Variants in PNLDC1 observed in about 807,000 individuals in gnomAD.
The protein encoded by PNLDC1 is PARN like ribonuclease domain containing exonuclease 1, also known as poly(A)-specific ribonuclease PNLDC1.
Under a neutral mutation model 82.0 loss-of-function variants are expected in PNLDC1, and 70 were observed. The ratio of observed to expected loss-of-function variants is 0.85; its 90% confidence interval spans 0.70 to 1.04. The LOEUF (loss-of-function observed/expected upper bound fraction) is 1.04, where lower values mean the gene tolerates loss of function less well. PNLDC1 is among the 50% of genes least tolerant of loss of function. PNLDC1 has a pLI of 0.00. For synonymous variants in PNLDC1, 280 were observed against 249.3 expected (o/e 1.12, Z -1.16); for missense variants, 631 against 661.1 (o/e 0.95, Z 0.50).
At chr6:159,814,004 A>T (rs947963189) in intron 12 of PNLDC1, among the ~76,000 whole-genome samples, 1 of 151,390 alleles carries the variant, frequency 6.6e-6, no homozygotes, top group African/African-American at 2.4e-5. Context: ...CGTCACCTTC[A>T]CCCCTGCTCA....
At chr6:159,800,703 G>C (rs767391405) in intron 1 of PNLDC1, 69 bp from the exon 2 acceptor site, 1 of 1,614,190 alleles carries the variant, frequency 6.2e-7, no homozygotes. Context: ...GCCGCCTGCA[G>C]ATCTACAGTG....
rs1333435144 is a variant in PNLDC1, at chr6:159,800,467, C to T, written c.76+84C>T. On this transcript the variant is annotated intron_variant, in intron 1 of 18. Transcript: ENST00000392167. ...GAGGAGGGGGTGGCGGGACGGTTGC[C>T]AGGCCACAGGGCCTCAGAGAGGGCC... 4.8e-6 allele frequency: 7 copies of T among 1,450,816 alleles called. No homozygotes were observed. The African/African-American group carries it at 7.1e-5, about 15-fold the overall frequency. The allele number at this position is 1,450,816 out of a possible 1,614,324, so 89.9% of individuals were successfully genotyped here.
In PNLDC1 at chr6:159,809,177, TTTC is replaced by T. The variant is rs1392617061; in HGVS notation, c.783+22_783+24del. 2 of 1,612,652 alleles carry T rather than the reference TTTC, an allele frequency of 1.2e-6. No homozygotes were observed. Among genetic ancestry groups the T allele is most frequent in the African/African-American group, 2.7e-5 (2 of 74,720 alleles). ...CCAGAAGGTAGGAAAACATGTCTCT[TTTC>T]TTGGCCTAAAGGCAGTCTTTAGTAT... On this transcript the variant is annotated intron_variant, in intron 9 of 18. Coordinates refer to ENST00000392167, the MANE Select transcript of PNLDC1 (RefSeq NM_001271862.2).
At chr6:159,804,922 G>A (rs1781394503) in intron 6 of PNLDC1, among the ~76,000 whole-genome samples, 1 of 152,214 alleles carries the variant, frequency 6.6e-6, no homozygotes, top group Non-Finnish European at 1.5e-5. Context: ...GGAACTCAAA[G>A]AAACAAGAAT....
chr6:159,803,377 A>G, intron 4 of PNLDC1, 67 bp downstream of exon 4: 1 of 1,479,782 alleles, frequency 6.8e-7, no homozygotes, highest in Non-Finnish European at 9.4e-7. Flanking sequence ...CCACCTTCAA[A>G]TTCTGCCTCA....
In PNLDC1 at chr6:159,809,175, CTT is replaced by C. The variant is rs1554273381; in HGVS notation, c.783+20_783+21del. ...GCCCAGAAGGTAGGAAAACATGTCT[CTT>C]TTCTTGGCCTAAAGGCAGTCTTTAG... On this transcript the variant is annotated intron_variant, in intron 9 of 18. Coordinates refer to ENST00000392167, the MANE Select transcript of PNLDC1 (RefSeq NM_001271862.2). The C allele has an allele frequency of 2.5e-6, 4 of 1,612,858 alleles. No homozygotes were observed. The highest frequency in any genetic ancestry group is 3.4e-6 in the Non-Finnish European group (4 of 1,179,772).
At chr6:159,803,409 C>A in intron 4 of PNLDC1, 99 bp downstream of exon 4, 1 of 1,082,016 alleles carries the variant, frequency 9.2e-7, no homozygotes, top group Non-Finnish European at 1.4e-6. Flanking sequence ...CACTTTTGCC[C>A]TGGATCTTCC....
chr6:159,800,813 G>T lies in PNLDC1; in HGVS notation c.118G>T (p.Gly40Trp), dbSNP rs1337806017. The change falls in exon 2 of 19, where the codon GGG (glycine) becomes TGG (tryptophan). Residue 40 changes from glycine to tryptophan, a missense_variant. Transcript: ENST00000392167. ...EFTGLRSNLS[G>W]PQQISLFDLP... is the part of the protein sequence containing the mutation. ...CACGGGCCTTCGTTCTAACCTGTCT[G>T]GGCCCCAGCAGATCAGGTAAAACTA... 6.2e-7 allele frequency: 1 copy of T among 1,614,150 alleles called. No homozygotes were observed. The highest frequency in any genetic ancestry group is 1.1e-5 in the South Asian group (1 of 91,076).
intron 11 of PNLDC1, 46 bp downstream of exon 11, chr6:159,811,832 C>G (rs765154199): frequency 1.7e-5 from 23 of 1,328,492 alleles, no homozygotes; most frequent in Admixed American, 1.6e-4. Flanking sequence ...TTTTCCATAC[C>G]AGTAACACTT....
rs140525491 is a variant in PNLDC1 at position 159,801,726 on chromosome 6, G to A, written c.208+540G>A. ...CTCTCAAAGTGATGGAATTATAAGC[G>A]TGAGCAACCACACCTGGCCTGTGAT... On this transcript the variant is annotated intron_variant, in intron 3 of 18. Transcript: ENST00000392167. Among the ~76,000 whole-genome samples, 852 of 151,994 alleles carry A rather than the reference G, an allele frequency of 5.6e-3. 9 individuals carry two copies. Among genetic ancestry groups the A allele is most frequent in the African/African-American group, 0.02 (821 of 41,406 alleles).
chr6:159,808,620 C>T (rs1415346728), intron 7 of PNLDC1, 120 bp from the exon 8 acceptor site: 2 of 922,352 alleles, frequency 2.2e-6, no homozygotes, highest in African/African-American at 3.3e-5. Context: ...CTTGGGCACC[C>T]TTCAAGCTCC....
intron 1 of PNLDC1, 45 bp downstream of exon 1, chr6:159,800,428 C>A (rs1001233865): frequency 1.3e-6 from 2 of 1,530,266 alleles, no homozygotes; most frequent in African/African-American, 1.4e-5. Context: ...GAGCCCCTTG[C>A]CCCGGGCGAG....
intron 10 of PNLDC1, among the ~76,000 whole-genome samples, chr6:159,810,825 A>G (rs1246021009): frequency 6.6e-6 from 1 of 152,252 alleles, no homozygotes; most frequent in African/African-American, 2.4e-5. Context: ...TTTCCCCAAG[A>G]AACAATGAAA....
At chr6:159,817,531 A>G (rs1190396178) in intron 15 of PNLDC1, among the ~76,000 whole-genome samples, 2 of 152,198 alleles carry the variant, frequency 1.3e-5, no homozygotes, top group Non-Finnish European at 2.9e-5. Flanking sequence ...GTATGAGGAG[A>G]AAGTGTTCAG....
rs769607177 is a variant in PNLDC1, at chr6:159,820,569, G to T, written c.*52G>T. The T allele has an allele frequency of 1.2e-5, 18 of 1,513,598 alleles. No homozygotes were observed. In the Admixed American group the frequency reaches 3.0e-4, roughly 25 times the overall value. The allele number at this position is 1,513,598 out of a possible 1,614,324, so 93.8% of individuals were successfully genotyped here. On this transcript the variant is annotated 3_prime_UTR_variant, in exon 19 of 19. Transcript: ENST00000392167. ...CTCGGGTCCCCATGCTCTCTGGGAGGTGTGCTGGGTGTGTTCGTGTAAATC... is the reference window on the plus strand; with the variant it reads ...CTCGGGTCCCCATGCTCTCTGGGAGTTGTGCTGGGTGTGTTCGTGTAAATC...
chr6:159,800,356 G>C lies in PNLDC1; in HGVS notation c.49G>C (p.Glu17Gln). The change falls in exon 1 of 19, where the codon GAG (glutamate) becomes CAG (glutamine). Residue 17 changes from glutamate (E) to glutamine (Q), a missense_variant. Coordinates refer to ENST00000392167, the MANE Select transcript of PNLDC1 (RefSeq NM_001271862.2). Reference protein sequence around the residue: ...EFEESLPLLQELVQEADFVGL... With the variant: ...EFEESLPLLQQLVQEADFVGL... ...CGAGGAGAGCCTCCCTCTGCTGCAG[G>C]AGCTCGTCCAGGAGGCCGACTTCGT... 6.5e-7 allele frequency: 1 copy of C among 1,547,950 alleles called. No individual in the cohort carries two copies. The highest frequency in any genetic ancestry group is 2.0e-5 in the Admixed American group (1 of 50,940).
At position 159,809,747 on chromosome 6, in the gene PNLDC1, CTT is replaced by C. The variant is rs565042381; in HGVS notation, c.784-277_784-276del. On this transcript the variant is annotated intron_variant, in intron 9 of 18. Transcript: ENST00000392167. ...TTTCAGTACTAACTGACCTAAGACT[CTT>C]TGGGGAAACTGCAAGTGCCTGCTTC... Among the ~76,000 whole-genome samples the C allele has an allele frequency of 5.9e-5, 9 of 152,294 alleles. No individual in the cohort carries two copies. The East Asian group carries it at 7.7e-4, about 13-fold the overall frequency.
chr6:159,817,340 C>A (rs1265682359), intron 15 of PNLDC1, among the ~76,000 whole-genome samples, 189 bp downstream of exon 15: 1 of 152,214 alleles, frequency 6.6e-6, no homozygotes, highest in Non-Finnish European at 1.5e-5. Context: ...ACAGGAGTAG[C>A]CCTTCCTACC....
intron 6 of PNLDC1, among the ~76,000 whole-genome samples, chr6:159,805,276 G>C (rs968904046): frequency 6.6e-6 from 1 of 152,206 alleles, no homozygotes; most frequent in Non-Finnish European, 1.5e-5. Flanking sequence ...GGGCCTTGGG[G>C]CTGGTACCCT....
Sources: allele counts gnomAD v4.1 joint callset (sites outside exome capture counted in the v4.1 genomes callset), GRCh38; gene constraint gnomAD v4.1.1; transcripts MANE v1.5; gene names NCBI Gene and HGNC (gene_info 2026-07-23, HGNC 2026-07-21).